Variants in DNAJC11 observed in about 807,000 individuals in gnomAD.
DNAJC11 encodes dnaJ homolog subfamily C member 11.
DNAJC11 carries 15 observed loss-of-function variants against 78.6 expected under a neutral mutation model. The ratio of observed to expected loss-of-function variants is 0.19; its 90% CI spans 0.13 to 0.29. The LOEUF (loss-of-function observed/expected upper bound fraction) is 0.29, where lower values mean the gene tolerates loss of function less well. Ranked by LOEUF, DNAJC11 falls within the 10% of genes least tolerant of loss-of-function variation. The pLI, the probability that DNAJC11 is intolerant of heterozygous loss-of-function variation, is 1.00. For missense variants in DNAJC11, 547 were observed against 709.6 expected (o/e 0.77, Z 2.60); for synonymous variants, 292 against 272.1 (o/e 1.07, Z -0.72).
At chr1:6,681,827 G>GC (rs1400173490) in intron 1 of DNAJC11, among the ~76,000 whole-genome samples, 1 of 152,198 alleles carries the variant, frequency 6.6e-6, no homozygotes, top group African/African-American at 2.4e-5. Flanking sequence ...TATGTGGCTG[G>GC]CCCCGCAGGT....
rs147338908 is a variant in DNAJC11, at chr1:6,654,010, G to A, written c.408C>T (p.Thr136=). The change falls in exon 5 of 16, where the codon ACC becomes ACT. Residue 136 remains threonine, a synonymous_variant. Coordinates refer to ENST00000377577, the MANE Select transcript of DNAJC11 (RefSeq NM_018198.4). The part of the protein sequence containing the change: ...KGTISVGVDA[T]DLFDRYDEEY... ...CCTCATCATAGCGATCAAAAAGGTC[G>A]GTGGCATCTACTCCAACGCTGATCG... 123 of 1,613,292 alleles carry A rather than the reference G, an allele frequency of 7.6e-5. No homozygotes were observed. In the African/African-American group the frequency reaches 1.4e-3, roughly 19 times the overall value.
At chr1:6,682,878 C>G (rs924353823) in intron 1 of DNAJC11, among the ~76,000 whole-genome samples, 15 of 152,202 alleles carry the variant, frequency 9.9e-5, no homozygotes, top group African/African-American at 3.6e-4. Flanking sequence ...TGAGCTATGA[C>G]TGCACCACTG....
In DNAJC11 at chr1:6,650,237, G is replaced by A. The variant is rs117211715; in HGVS notation, c.704+1292C>T. Among the ~76,000 whole-genome samples, 6 of 151,716 alleles carry A rather than the reference G, an allele frequency of 4.0e-5. No individual in the cohort carries two copies. In the East Asian group the frequency reaches 5.9e-4, roughly 15 times the overall value. ...AAGATTGCATCACTATTCTCCAGCC[G>A]GGGTGACAAAGTGAGACCTGTCTCA... On this transcript the variant is annotated intron_variant, in intron 7 of 15. Transcript: ENST00000377577.
At chr1:6,687,802 A>G (rs1460193206) in intron 1 of DNAJC11, among the ~76,000 whole-genome samples, 2 of 152,166 alleles carry the variant, frequency 1.3e-5, no homozygotes, top group East Asian at 1.9e-4. Flanking sequence ...ATAAACCCCA[A>G]TGATGTATTT....
At chr1:6,642,818 T>C (rs1641897597) in intron 10 of DNAJC11, among the ~76,000 whole-genome samples, 1 of 151,928 alleles carries the variant, frequency 6.6e-6, no homozygotes, top group East Asian at 1.9e-4. Flanking sequence ...GGTATCCAAG[T>C]AGAGATTAGG....
At chr1:6,651,432 A>G (rs1431893344) in intron 7 of DNAJC11, 97 bp downstream of exon 7, 2 of 1,085,548 alleles carry the variant, frequency 1.8e-6, no homozygotes, top group Non-Finnish European at 2.8e-6. Flanking sequence ...TAGGACAGAC[A>G]AGATAGTGCC....
chr1:6,685,910 G>A (rs1266693090), intron 1 of DNAJC11, among the ~76,000 whole-genome samples: 1 of 152,162 alleles, frequency 6.6e-6, no homozygotes, highest in East Asian at 1.9e-4. Context: ...AAATACAAGA[G>A]TTTAAATAAA....
At chr1:6,643,974 G>A (rs1177980765) in intron 10 of DNAJC11, among the ~76,000 whole-genome samples, 3 of 151,396 alleles carry the variant, frequency 2.0e-5, no homozygotes, top group Non-Finnish European at 2.9e-5. Context: ...GGGTTCAAGC[G>A]ATTCTCCTGC....
chr1:6,680,404 T>G lies in DNAJC11; in HGVS notation c.202+504A>C, dbSNP rs74352049. Among the ~76,000 whole-genome samples, 774 of 152,328 alleles carry G rather than the reference T, an allele frequency of 5.1e-3. 8 individuals are homozygous for G. The highest frequency in any genetic ancestry group is 0.017 in the African/African-American group (722 of 41,586). On this transcript the variant is annotated intron_variant, in intron 2 of 15. Transcript: ENST00000377577. The surrounding 1 kb of genome is among the most constrained non-coding windows in gnomAD (Gnocchi z 4.0). ...AACAAATATATCACAGAATGTTCTT[T>G]CTGACATACATAAGACATAAGTATA...
intron 10 of DNAJC11, among the ~76,000 whole-genome samples, chr1:6,641,410 C>T (rs866423837): frequency 0.022 from 3,135 of 143,776 alleles, 85 homozygotes; most frequent in African/African-American, 0.061. Context: ...TATATATACA[C>T]ACACACACAC....
rs1286070625 is a variant in DNAJC11 at position 6,640,015 on chromosome 1, C to G, written c.1140G>C (p.Leu380Phe). ...ASQTYFFPIH[L>F]TDQLLPSAMF... ...TGGCGCTGGGCAGAAGCTGGTCCGT[C>G]AAGTGAATAGGGAAGAAGTATGTCT... The change falls in exon 11 of 16, where the codon TTG becomes TTC. Residue 380 changes from leucine to phenylalanine, a missense_variant. Transcript: ENST00000377577. The G allele has an allele frequency of 6.6e-7, 1 of 1,513,072 alleles. No homozygotes were observed. Among genetic ancestry groups the G allele is most frequent in the Non-Finnish European group, 8.9e-7 (1 of 1,127,052 alleles). The allele number at this position is 1,513,072 out of a possible 1,614,324, so 93.7% of individuals were successfully genotyped here.
intron 3 of DNAJC11, chr1:6,671,011 T>C (rs1391847953): frequency 1.3e-5 from 2 of 152,184 alleles, no homozygotes; most frequent in African/African-American, 4.8e-5. Flanking sequence ...TTAAAATACT[T>C]TAAAAATTAT....
rs761395231 is a variant in DNAJC11, at chr1:6,639,883, C to T, written c.1253+19G>A. ...GGCACAGGGCTGGCTAGTGACATGCCCATGACGTGTCAACTCACTTCTCTT... is the reference window on the plus strand; with the variant it reads ...GGCACAGGGCTGGCTAGTGACATGCTCATGACGTGTCAACTCACTTCTCTT... On this transcript the variant is annotated intron_variant, in intron 11 of 15. Coordinates refer to ENST00000377577, the MANE Select transcript of DNAJC11 (RefSeq NM_018198.4). 6.2e-7 allele frequency: 1 copy of T among 1,610,776 alleles called. No individual in the cohort carries two copies. The highest frequency in any genetic ancestry group is 1.3e-5 in the African/African-American group (1 of 74,708).
chr1:6,649,391 G>C (rs933370143), intron 7 of DNAJC11, among the ~76,000 whole-genome samples: 1 of 152,058 alleles, frequency 6.6e-6, no homozygotes, highest in Non-Finnish European at 1.5e-5. Context: ...GGATGGTCTC[G>C]ATCTCCTGAT....
chr1:6,697,807 T>C (rs1051994396), intron 1 of DNAJC11, among the ~76,000 whole-genome samples: 36 of 122,996 alleles, frequency 2.9e-4, no homozygotes, highest in African/African-American at 9.9e-4. Context: ...ATTATGCTTA[T>C]AATTTTTTTT....
intron 4 of DNAJC11, among the ~76,000 whole-genome samples, chr1:6,656,639 GA>G (rs1642130517): frequency 6.6e-6 from 1 of 151,796 alleles, no homozygotes; most frequent in South Asian, 2.1e-4. Flanking sequence ...AGTACTTTGG[GA>G]GGCTGAGGTG....
intron 2 of DNAJC11, among the ~76,000 whole-genome samples, chr1:6,679,586 G>C (rs1408119889): frequency 6.6e-6 from 1 of 152,180 alleles, no homozygotes; most frequent in South Asian, 2.1e-4. Flanking sequence ...ATGATACTAT[G>C]CATAATCAAA....
chr1:6,675,775 G>A (rs1557482931), intron 3 of DNAJC11, among the ~76,000 whole-genome samples: 1 of 152,084 alleles, frequency 6.6e-6, no homozygotes, highest in Non-Finnish European at 1.5e-5. Context: ...TGTTTCTAAT[G>A]GGAAGATAAT....
At chr1:6,651,120 G>T (rs989675327) in intron 7 of DNAJC11, 3 of 536,244 alleles carry the variant, frequency 5.6e-6, no homozygotes, top group South Asian at 4.2e-5. Context: ...GCAGAGGCTG[G>T]CTGGGGACTA....
Sources: gnomAD v4.1 joint callset for allele counts (sites outside exome capture counted in the v4.1 genomes callset) on GRCh38, gnomAD v4.1.1 for gene constraint, Gnocchi (gnomAD v3.1) non-coding constraint, MANE v1.5 for transcripts, NCBI Gene and HGNC (gene_info 2026-07-23, HGNC 2026-07-21) for gene names.